Variants in KYNU observed in about 807,000 individuals in gnomAD.
The protein encoded by KYNU is kynureninase.
In KYNU, 54 loss-of-function variants were observed where a neutral mutation model predicts 59.2. That is an observed-to-expected ratio of 0.91 (90% CI 0.73 to 1.14). The LOEUF (loss-of-function observed/expected upper bound fraction) is 1.14. Among genes scored for constraint, KYNU ranks in the 50% most tolerant of loss-of-function variants. The pLI, the probability that KYNU is intolerant of heterozygous loss-of-function variation, is 0.00. For missense variants in KYNU, 567 were observed against 554.4 expected (o/e 1.02, Z -0.23); for synonymous variants, 177 against 192.0 (o/e 0.92, Z 0.65).
At chr2:142,919,928 C>T (rs1682817689) in intron 3 of KYNU, among the ~76,000 whole-genome samples, 1 of 152,062 alleles carries the variant, frequency 6.6e-6, no homozygotes, top group South Asian at 2.1e-4. Flanking sequence ...AAAAATTAGC[C>T]TGGCATGGTG....
intron 8 of KYNU, among the ~76,000 whole-genome samples, chr2:142,965,805 G>C (rs79195680): frequency 6.6e-6 from 1 of 152,040 alleles, no homozygotes; most frequent in African/African-American, 2.4e-5. Context: ...AATGGGCTTC[G>C]GGTTGGCTAA....
At chr2:142,976,361 C>A (rs908189554) in intron 8 of KYNU, among the ~76,000 whole-genome samples, 10 of 152,126 alleles carry the variant, frequency 6.6e-5, no homozygotes, top group African/African-American at 2.4e-4. Context: ...CTGGAATCTC[C>A]CAAGTATATT....
intron 10 of KYNU, among the ~76,000 whole-genome samples, chr2:142,993,717 G>A (rs189007285): frequency 7.2e-5 from 11 of 151,892 alleles, no homozygotes; most frequent in African/African-American, 2.4e-5. Flanking sequence ...ATTGAGGCAC[G>A]AGCACAGTTA....
At chr2:142,882,835 G>A (rs1030644728) in intron 1 of KYNU, among the ~76,000 whole-genome samples, 3 of 152,148 alleles carry the variant, frequency 2.0e-5, no homozygotes, top group Non-Finnish European at 4.4e-5. Flanking sequence ...AATCCTTTGG[G>A]TATATATGCA....
At position 143,048,592 on chromosome 2, in the gene KYNU, T is replaced by A. The variant is rs755909383; in HGVS notation, c.*6420T>A. 27 of 152,210 alleles carry A rather than the reference T, an allele frequency of 1.8e-4. No homozygotes were observed. The highest frequency in any genetic ancestry group is 3.5e-4 in the Non-Finnish European group (24 of 68,030). 9.4% of individuals were successfully genotyped at this position (152,210 alleles called of 1,614,324 possible). ...ATTCATTTTAATGAAAAACTTTTAG[T>A]GGTAAATTGTATTAGTCTTTGGGAA... is the stretch of plus-strand genomic sequence containing the variant. On this transcript the variant is annotated 3_prime_UTR_variant, in exon 14 of 14. Coordinates refer to ENST00000264170, the MANE Select transcript of KYNU (RefSeq NM_003937.3).
chr2:142,964,912 C>T (rs1319426420), intron 8 of KYNU, among the ~76,000 whole-genome samples: 4 of 152,148 alleles, frequency 2.6e-5, no homozygotes, highest in African/African-American at 9.7e-5. Flanking sequence ...GATGCTTCTT[C>T]AAGATGAAGA....
At chr2:142,884,050 T>C (rs1437171217) in intron 1 of KYNU, among the ~76,000 whole-genome samples, 1 of 152,192 alleles carries the variant, frequency 6.6e-6, no homozygotes, top group African/African-American at 2.4e-5. Context: ...AGGAGAAATA[T>C]AAACAAACAA....
chr2:143,038,084 TA>T (rs1228197485), intron 12 of KYNU, among the ~76,000 whole-genome samples: 2 of 152,188 alleles, frequency 1.3e-5, no homozygotes, highest in Non-Finnish European at 2.9e-5. Context: ...TACGCCCCTT[TA>T]AAAACTAAAT....
intron 10 of KYNU, among the ~76,000 whole-genome samples, chr2:143,020,121 T>G (rs924768229): frequency 6.6e-6 from 1 of 152,082 alleles, no homozygotes; most frequent in African/African-American, 2.4e-5. Flanking sequence ...CAATTTTATT[T>G]ATTTCTATTC....
At chr2:142,988,960 A>G in intron 10 of KYNU, 2 of 1,354,668 alleles carry the variant, frequency 1.5e-6, no homozygotes, top group Non-Finnish European at 2.1e-6. Context: ...GTTTTGCTGA[A>G]ACTTAACTTT....
chr2:142,992,500 T>C (rs891300425), intron 10 of KYNU, among the ~76,000 whole-genome samples: 3 of 151,900 alleles, frequency 2.0e-5, no homozygotes, highest in Admixed American at 6.6e-5. Context: ...AAGCTCTATA[T>C]TTTAAGATAG....
intron 7 of KYNU, among the ~76,000 whole-genome samples, chr2:142,960,280 C>T (rs1684299590): frequency 6.6e-6 from 1 of 152,164 alleles, no homozygotes; most frequent in Non-Finnish European, 1.5e-5. Context: ...ACTTCATGGA[C>T]TTCTTGCACT....
At chr2:142,988,601 TTA>T (rs1386883367) in intron 10 of KYNU, among the ~76,000 whole-genome samples, 3 of 151,940 alleles carry the variant, frequency 2.0e-5, no homozygotes, top group South Asian at 2.1e-4. Context: ...TTTTGGAAAA[TTA>T]TATGTTATTA....
intron 2 of KYNU, among the ~76,000 whole-genome samples, chr2:142,890,538 C>A (rs940671187): frequency 6.6e-6 from 1 of 152,068 alleles, no homozygotes; most frequent in Non-Finnish European, 1.5e-5. Context: ...AGTGCAGTGG[C>A]GTGATCTCAG....
chr2:142,971,543 G>GT (rs1438960433), intron 8 of KYNU: 1 of 152,092 alleles, frequency 6.6e-6, no homozygotes, highest in East Asian at 1.9e-4. Context: ...ATTGGCCACC[G>GT]TTTGCACTGT....
At chr2:142,993,805 T>C (rs1685467956) in intron 10 of KYNU, among the ~76,000 whole-genome samples, 2 of 152,026 alleles carry the variant, frequency 1.3e-5, no homozygotes, top group Non-Finnish European at 2.9e-5. Flanking sequence ...AAAGCCAAAA[T>C]AGTAATTATC....
intron 10 of KYNU, among the ~76,000 whole-genome samples, chr2:143,025,026 T>C (rs1686512897): frequency 6.6e-6 from 1 of 152,052 alleles, no homozygotes; most frequent in South Asian, 2.1e-4. Context: ...TTCAAATCTT[T>C]TTTCCTTTCT....
chr2:142,987,375 A>G (rs1244157350), intron 10 of KYNU, among the ~76,000 whole-genome samples: 2 of 151,942 alleles, frequency 1.3e-5, no homozygotes, highest in Non-Finnish European at 2.9e-5. Flanking sequence ...GTTCGGAGTT[A>G]AGCTTTGACC....
chr2:143,040,126 G>T (rs1686995095), intron 12 of KYNU, among the ~76,000 whole-genome samples: 1 of 151,962 alleles, frequency 6.6e-6, no homozygotes, highest in Non-Finnish European at 1.5e-5. Context: ...TTGTGATGGA[G>T]GCCTGCATTA....
Sources: allele counts gnomAD v4.1 joint callset (sites outside exome capture counted in the v4.1 genomes callset), GRCh38; gene constraint gnomAD v4.1.1; transcripts MANE v1.5; gene names NCBI Gene and HGNC (gene_info 2026-07-23, HGNC 2026-07-21).